Variants in PTPRM observed in about 807,000 individuals in gnomAD.
The protein encoded by PTPRM is protein tyrosine phosphatase receptor type M.
A neutral mutation model predicts 186.7 loss-of-function variants in PTPRM; 47 were observed. That is an observed-to-expected ratio of 0.25 (90% CI 0.20 to 0.32). PTPRM has a LOEUF of 0.32. Ranked by LOEUF, PTPRM falls within the 10% of genes least tolerant of loss-of-function variation. The pLI, the probability that PTPRM is intolerant of heterozygous loss-of-function variation, is 1.00. For missense variants in PTPRM, 1,494 were observed against 1,865.0 expected (o/e 0.80, Z 3.66); for synonymous variants, 668 against 674.9 (o/e 0.99, Z 0.16).
At chr18:8,107,945 A>G (rs947103035) in intron 11 of PTPRM, among the ~76,000 whole-genome samples, 3 of 152,184 alleles carry the variant, frequency 2.0e-5, no homozygotes, top group African/African-American at 7.2e-5. Flanking sequence ...ATTTGGTGAC[A>G]TATTTTTTAA....
intron 32 of PTPRM, 91 bp downstream of exon 32, chr18:8,394,702 A>G (rs2095837242): frequency 2.3e-6 from 3 of 1,317,312 alleles, no homozygotes; most frequent in Admixed American, 5.5e-5. Flanking sequence ...ACTGATGCGT[A>G]GAGGAAGAGA....
chr18:7,878,390 G>A (rs571888143), intron 2 of PTPRM, among the ~76,000 whole-genome samples: 1 of 152,282 alleles, frequency 6.6e-6, no homozygotes, highest in South Asian at 2.1e-4. Flanking sequence ...TTCTGATCAA[G>A]CAGTGAAAAT....
intron 2 of PTPRM, among the ~76,000 whole-genome samples, chr18:7,837,148 G>A (rs1157308570): frequency 1.3e-5 from 2 of 151,880 alleles, no homozygotes. Flanking sequence ...TCTTAGATTT[G>A]CCTTTTTGAG....
At chr18:7,707,707 G>T (rs2040125938) in intron 1 of PTPRM, among the ~76,000 whole-genome samples, 1 of 152,108 alleles carries the variant, frequency 6.6e-6, no homozygotes, top group Admixed American at 6.6e-5. Context: ...CATATTCTTT[G>T]TGTTAACTGG....
chr18:7,591,882 A>T (rs907246421), intron 1 of PTPRM, among the ~76,000 whole-genome samples: 11 of 152,220 alleles, frequency 7.2e-5, no homozygotes, highest in African/African-American at 2.7e-4. Flanking sequence ...TGGCTGTGCA[A>T]TTGAGAAGTG....
chr18:7,816,560 A>G (rs577192869), intron 2 of PTPRM, among the ~76,000 whole-genome samples: 2 of 152,212 alleles, frequency 1.3e-5, no homozygotes, highest in East Asian at 1.9e-4. Context: ...TGTGAGGTCA[A>G]TTTTTTTAAT....
intron 5 of PTPRM, among the ~76,000 whole-genome samples, chr18:7,939,272 C>T (rs1187192296): frequency 2.1e-5 from 3 of 143,872 alleles, no homozygotes; most frequent in Admixed American, 6.7e-5. Flanking sequence ...GGGACTGGCT[C>T]AGAGCTCCCT....
chr18:7,957,705 G>A (rs2053407031), intron 7 of PTPRM, among the ~76,000 whole-genome samples: 1 of 152,174 alleles, frequency 6.6e-6, no homozygotes, highest in Non-Finnish European at 1.5e-5. Flanking sequence ...AAGAAATATG[G>A]TTCACCCTTT....
At chr18:8,372,173 G>A (rs888065260) in intron 24 of PTPRM, among the ~76,000 whole-genome samples, 16 of 140,860 alleles carry the variant, frequency 1.1e-4, no homozygotes, top group Non-Finnish European at 2.1e-4. Flanking sequence ...CCGGGTTCAC[G>A]CCATTCTCCT....
intron 1 of PTPRM, among the ~76,000 whole-genome samples, chr18:7,671,105 C>T (rs1325174555): frequency 6.6e-6 from 1 of 152,184 alleles, no homozygotes; most frequent in African/African-American, 2.4e-5. Context: ...TTTCAGCTCT[C>T]TTTCACATCA....
intron 7 of PTPRM, among the ~76,000 whole-genome samples, chr18:8,043,840 G>C (rs2086844899): frequency 6.6e-6 from 1 of 152,094 alleles, no homozygotes. Flanking sequence ...GGGCGAGCTG[G>C]GTCTCAGGAG....
intron 11 of PTPRM, among the ~76,000 whole-genome samples, chr18:8,101,067 A>G (rs1329632285): frequency 6.6e-6 from 1 of 152,228 alleles, no homozygotes; most frequent in Admixed American, 6.5e-5. Context: ...TTCCATCAAA[A>G]CATCCCAGCA....
chr18:8,283,380 C>CATAATG (rs1434900015), intron 19 of PTPRM, among the ~76,000 whole-genome samples: 2 of 152,180 alleles, frequency 1.3e-5, no homozygotes, highest in Admixed American at 1.3e-4. Context: ...TGGTTACCAA[C>CATAATG]ATAATGATTC....
At chr18:7,822,797 G>C (rs376997349) in intron 2 of PTPRM, among the ~76,000 whole-genome samples, 5 of 152,076 alleles carry the variant, frequency 3.3e-5, no homozygotes, top group African/African-American at 1.2e-4. Context: ...GCCTCTCATG[G>C]CTTCCCTGGT....
At chr18:7,894,414 G>A (rs989238017) in intron 3 of PTPRM, among the ~76,000 whole-genome samples, 30 of 151,804 alleles carry the variant, frequency 2.0e-4, no homozygotes, top group African/African-American at 6.8e-4. Flanking sequence ...GTGAAACCCC[G>A]TCTCTACTAA....
At chr18:8,222,077 ATTC>A (rs1323426080) in intron 14 of PTPRM, among the ~76,000 whole-genome samples, 1 of 152,220 alleles carries the variant, frequency 6.6e-6, no homozygotes, top group East Asian at 1.9e-4. Flanking sequence ...TTCAAGAATC[ATTC>A]TTTGCTCAGT....
intron 6 of PTPRM, 90 bp downstream of exon 6, chr18:7,949,445 C>T (rs2052786189): frequency 1.8e-6 from 2 of 1,122,132 alleles, no homozygotes; most frequent in Non-Finnish European, 2.4e-6. Flanking sequence ...CTCAAACTTA[C>T]CCTTGTCTGT....
At chr18:8,268,519 G>GT (rs748952272) in intron 19 of PTPRM, among the ~76,000 whole-genome samples, 2 of 152,058 alleles carry the variant, frequency 1.3e-5, no homozygotes, top group Non-Finnish European at 2.9e-5. Flanking sequence ...ATTAAGGCTA[G>GT]TATTTCTCAG....
chr18:7,642,799 A>AT (rs1209351064), intron 1 of PTPRM, among the ~76,000 whole-genome samples: 1 of 150,820 alleles, frequency 6.6e-6, no homozygotes, highest in Non-Finnish European at 1.5e-5. Flanking sequence ...ATCAACCTGA[A>AT]TGTATTTGAG....
Sources: gnomAD v4.1 joint callset for allele counts (sites outside exome capture counted in the v4.1 genomes callset) on GRCh38, gnomAD v4.1.1 for gene constraint, MANE v1.5 for transcripts, NCBI Gene and HGNC (gene_info 2026-07-23, HGNC 2026-07-21) for gene names.